ANKS1B: variants seen among roughly 807,000 people sequenced by gnomAD.
ANKS1B encodes the protein ankyrin repeat and sterile alpha motif domain-containing protein 1B.
ANKS1B carries 36 observed loss-of-function variants against 148.3 expected under a neutral mutation model. The observed-to-expected ratio is 0.24, with a 90% CI of 0.19 to 0.32. ANKS1B has a LOEUF of 0.32. Among genes scored for constraint, ANKS1B ranks in the 10% least tolerant of loss-of-function variants. The pLI, the probability that ANKS1B is intolerant of heterozygous loss-of-function variation, is 1.00. For missense variants in ANKS1B, 1,157 were observed against 1,542.6 expected, an observed-to-expected ratio of 0.75 and a Z score of 4.19; for synonymous variants, 542 against 560.8, an observed-to-expected ratio of 0.97 and a Z score of 0.47.
intron 8 of ANKS1B, among the ~76,000 whole-genome samples, chr12:99,673,235 T>C (rs943539062): frequency 6.6e-6 from 1 of 152,050 alleles, no homozygotes; most frequent in Non-Finnish European, 1.5e-5. Context: ...TGGAAAATAA[T>C]CATATCAAGA....
chr12:99,661,251 T>C (rs138892460), intron 8 of ANKS1B, among the ~76,000 whole-genome samples: 2 of 152,186 alleles, frequency 1.3e-5, no homozygotes, highest in East Asian at 3.9e-4. Context: ...TTGAGTAAAT[T>C]TACTGAAGCT....
intron 24 of ANKS1B, 137 bp downstream of exon 24, chr12:98,780,980 T>C (rs2098729532): frequency 3.3e-6 from 2 of 606,240 alleles, no homozygotes; most frequent in Admixed American, 2.9e-5. Flanking sequence ...TCTATAGGTA[T>C]ATGTAGGAAG....
chr12:99,580,646 T>C (rs2097561784), intron 9 of ANKS1B, among the ~76,000 whole-genome samples: 1 of 152,154 alleles, frequency 6.6e-6, no homozygotes, highest in African/African-American at 2.4e-5. Flanking sequence ...TAAAAAAATA[T>C]GGTTAGACCT....
intron 15 of ANKS1B, among the ~76,000 whole-genome samples, chr12:99,142,001 G>A (rs2071007853): frequency 6.6e-6 from 1 of 152,012 alleles, no homozygotes; most frequent in African/African-American, 2.4e-5. Context: ...AACACTTTGA[G>A]TTTGAGGGGT....
At chr12:98,803,592 T>G (rs1363335940) in intron 20 of ANKS1B, among the ~76,000 whole-genome samples, 1 of 152,174 alleles carries the variant, frequency 6.6e-6, no homozygotes, top group Non-Finnish European at 1.5e-5. Flanking sequence ...ATGTGAACCC[T>G]ATTACAGTTC....
At chr12:99,048,727 G>A (rs1034621462) in intron 17 of ANKS1B, 1 of 152,572 alleles carries the variant, frequency 6.6e-6, no homozygotes, top group African/African-American at 2.4e-5. Flanking sequence ...TGTTAAGTGT[G>A]TATTTATTTG....
At chr12:98,889,806 T>C (rs1356497864) in intron 17 of ANKS1B, among the ~76,000 whole-genome samples, 1 of 152,250 alleles carries the variant, frequency 6.6e-6, no homozygotes, top group Non-Finnish European at 1.5e-5. Context: ...AGTTAAAGCT[T>C]GGGAATGACT....
At chr12:98,737,362 C>T (rs2097778642) in intron 9 of ANKS1B, among the ~76,000 whole-genome samples, 1 of 152,210 alleles carries the variant, frequency 6.6e-6, no homozygotes, top group African/African-American at 2.4e-5. Flanking sequence ...CGCTAACTCC[C>T]TATGTTTCAC....
At position 99,806,831 on chromosome 12, in the gene ANKS1B, T is replaced by A. The variant is rs535702045; in HGVS notation, c.373-131A>T. 4.4e-6 allele frequency: 4 copies of A among 913,996 alleles called. No individual in the cohort carries two copies. The Admixed American group carries it at 8.8e-5, about 20-fold the overall frequency. The allele number at this position is 913,996 out of a possible 1,614,324, so 56.6% of individuals were successfully genotyped here. A position where few individuals can be genotyped will look rare whatever the true frequency, so the allele number is the denominator to read the frequency against. Reference sequence around the variant, plus strand: ...ATTTATCCATTTTAACAAGTATGCCTAATGGAATTTTATATTTGATAAAAG... The same window carrying A: ...ATTTATCCATTTTAACAAGTATGCCAAATGGAATTTTATATTTGATAAAAG... On this transcript the variant is annotated intron_variant, in intron 3 of 26. Coordinates refer to ENST00000683438, the MANE Select transcript of ANKS1B (RefSeq NM_001352186.2).
At chr12:99,490,973 T>C (rs764926467) in intron 10 of ANKS1B, among the ~76,000 whole-genome samples, 1 of 152,208 alleles carries the variant, frequency 6.6e-6, no homozygotes, top group Non-Finnish European at 1.5e-5. Flanking sequence ...CCAATTAATG[T>C]TGTATGCAGC....
At chr12:98,912,361 A>G (rs1486374460) in intron 17 of ANKS1B, among the ~76,000 whole-genome samples, 1 of 152,154 alleles carries the variant, frequency 6.6e-6, no homozygotes, top group Non-Finnish European at 1.5e-5. Context: ...CACTCTAGTC[A>G]TGTTTGTAAG....
At chr12:99,963,350 G>C (rs918547897) in intron 1 of ANKS1B, among the ~76,000 whole-genome samples, 3 of 152,100 alleles carry the variant, frequency 2.0e-5, no homozygotes, top group African/African-American at 7.2e-5. Flanking sequence ...AAGCTCTTTA[G>C]TTTAATTAGA....
intron 15 of ANKS1B, among the ~76,000 whole-genome samples, chr12:99,134,675 A>T (rs1365174533): frequency 2.7e-5 from 4 of 149,988 alleles, no homozygotes; most frequent in African/African-American, 9.8e-5. Context: ...ACACACACAC[A>T]CACACACACA....
At chr12:99,810,688 A>C (rs1037972155) in intron 3 of ANKS1B, among the ~76,000 whole-genome samples, 1 of 152,018 alleles carries the variant, frequency 6.6e-6, no homozygotes, top group South Asian at 2.1e-4. Context: ...ATTACCAAAA[A>C]CAAGTATTTC....
chr12:99,754,083 T>G (rs6538939), intron 8 of ANKS1B, among the ~76,000 whole-genome samples: 13 of 151,218 alleles, frequency 8.6e-5, no homozygotes, highest in Admixed American at 6.6e-4. Flanking sequence ...AGAACCAAGA[T>G]CCATTGGTAT....
intron 1 of ANKS1B, among the ~76,000 whole-genome samples, chr12:99,936,429 T>A (rs1436202006): frequency 6.6e-6 from 1 of 152,158 alleles, no homozygotes; most frequent in East Asian, 1.9e-4. Flanking sequence ...GGAGGATCAC[T>A]TGAGGCCAGG....
chr12:98,782,926 C>A (rs1479164621), intron 22 of ANKS1B, among the ~76,000 whole-genome samples: 1 of 152,202 alleles, frequency 6.6e-6, no homozygotes, highest in Non-Finnish European at 1.5e-5. Context: ...ACATCAAAGG[C>A]AGGCTAGAAG....
intron 9 of ANKS1B, among the ~76,000 whole-genome samples, chr12:99,631,330 G>A (rs1216547444): frequency 6.6e-6 from 1 of 152,058 alleles, no homozygotes; most frequent in Non-Finnish European, 1.5e-5. Context: ...ACCGAGAAGT[G>A]GAGTGTTGCT....
At chr12:99,834,840 A>T (rs1369616143) in intron 1 of ANKS1B, among the ~76,000 whole-genome samples, 1 of 152,240 alleles carries the variant, frequency 6.6e-6, no homozygotes, top group Non-Finnish European at 1.5e-5. Flanking sequence ...ATGGAAATTC[A>T]TACAGAATGT....
Sources: allele counts gnomAD v4.1 joint callset (sites outside exome capture counted in the v4.1 genomes callset), GRCh38; gene constraint gnomAD v4.1.1; transcripts MANE v1.5; gene names NCBI Gene and HGNC (gene_info 2026-07-23, HGNC 2026-07-21).